The following ARL15 variants were observed in gnomAD, a reference collection of about 807,000 sequenced individuals.
ARL15 encodes the protein ADP-ribosylation factor-like protein 15.
In ARL15, 19 loss-of-function variants were observed where a neutral mutation model predicts 25.2. The ratio of observed to expected loss-of-function variants is 0.75; its 90% CI spans 0.53 to 1.10. The LOEUF (loss-of-function observed/expected upper bound fraction) is 1.10. Among genes scored for constraint, ARL15 ranks in the 50% least tolerant of loss-of-function variants. ARL15 has a pLI of 0.00. For missense variants in ARL15, 220 were observed against 246.0 expected (o/e 0.89, Z 0.71); for synonymous variants, 94 against 86.8 (o/e 1.08, Z -0.46).
chr5:54,101,585 G>A (rs1752440220), intron 4 of ARL15, among the ~76,000 whole-genome samples: 1 of 152,024 alleles, frequency 6.6e-6, no homozygotes, highest in Non-Finnish European at 1.5e-5. Flanking sequence ...GCTTAAAACT[G>A]TATTAGTTTA....
chr5:54,305,141 G>A (rs1758722741), intron 1 of ARL15, among the ~76,000 whole-genome samples: 1 of 152,022 alleles, frequency 6.6e-6, no homozygotes, highest in Non-Finnish European at 1.5e-5. Flanking sequence ...AACTAAATAG[G>A]TCAAGTCCAC....
chr5:54,232,787 C>T (rs1189312422), intron 1 of ARL15, among the ~76,000 whole-genome samples: 1 of 152,154 alleles, frequency 6.6e-6, no homozygotes, highest in Non-Finnish European at 1.5e-5. Context: ...GGAGTCTACC[C>T]TCAGCCCCTT....
In ARL15 at chr5:54,026,280, A is replaced by AT. The variant is rs1749784507; in HGVS notation, c.462+86921dup. Among the ~76,000 whole-genome samples, 9 of 152,084 alleles carry AT rather than the reference A, an allele frequency of 5.9e-5. No individual in the cohort carries two copies. The South Asian group carries it at 1.9e-3, about 32-fold the overall frequency. ...AGCTTTCAATTTATTTTCTTTCTTT[A>AT]TTTTTTGAGACAGGGTCTCACTCTG... is the stretch of plus-strand genomic sequence containing the variant. On this transcript the variant is annotated intron_variant, in intron 4 of 4. Coordinates refer to ENST00000504924, the MANE Select transcript of ARL15 (RefSeq NM_019087.3).
rs949063719 is a variant in ARL15, at chr5:53,970,656, C to T, written c.463-83943G>A. On this transcript the variant is annotated intron_variant, in intron 4 of 4. Transcript: ENST00000504924. ...ATTAACAGTTACAGAGACAACTCAA[C>T]GCAACAGATGATTTTGTGTAGATAG... Among the ~76,000 whole-genome samples, 16 of 152,216 alleles carry T rather than the reference C, an allele frequency of 1.1e-4. 1 individual carries two copies. Among genetic ancestry groups the T allele is most frequent in the East Asian group, 5.8e-4 (3 of 5,202 alleles).
At chr5:54,220,001 T>A (rs1215399079) in intron 1 of ARL15, among the ~76,000 whole-genome samples, 4 of 152,200 alleles carry the variant, frequency 2.6e-5, no homozygotes, top group African/African-American at 9.6e-5. Context: ...CATAACAAGA[T>A]TATTTACAGT....
At chr5:54,263,120 T>G (rs1317235339) in intron 1 of ARL15, among the ~76,000 whole-genome samples, 1 of 151,698 alleles carries the variant, frequency 6.6e-6, no homozygotes. Flanking sequence ...TTTTTTTCTT[T>G]ATGGCACAAT....
At chr5:54,038,446 T>C (rs944915752) in intron 4 of ARL15, among the ~76,000 whole-genome samples, 3 of 151,888 alleles carry the variant, frequency 2.0e-5, no homozygotes, top group African/African-American at 7.3e-5. Flanking sequence ...ATATATAAAA[T>C]CCCAAACAGA....
At chr5:54,141,027 T>C (rs899161332) in intron 3 of ARL15, among the ~76,000 whole-genome samples, 4 of 152,198 alleles carry the variant, frequency 2.6e-5, no homozygotes, top group Non-Finnish European at 5.9e-5. Context: ...TTATTATAAA[T>C]ATAACCAAAA....
At chr5:54,192,016 T>C (rs1561260644) in intron 1 of ARL15, among the ~76,000 whole-genome samples, 1 of 152,170 alleles carries the variant, frequency 6.6e-6, no homozygotes, top group Non-Finnish European at 1.5e-5. Context: ...TACTATTTCT[T>C]CACTCAGTCA....
At chr5:54,205,549 T>C (rs1000592050) in intron 1 of ARL15, among the ~76,000 whole-genome samples, 2 of 152,202 alleles carry the variant, frequency 1.3e-5, no homozygotes, top group Non-Finnish European at 2.9e-5. Context: ...CGAAGAGCAG[T>C]TCTTTGCCTT....
At chr5:53,944,487 G>A (rs531979658) in intron 4 of ARL15, among the ~76,000 whole-genome samples, 3 of 152,126 alleles carry the variant, frequency 2.0e-5, no homozygotes, top group African/African-American at 7.2e-5. Context: ...TGGCATGCGG[G>A]AGGCTGAGGT....
rs144695050 is a variant in ARL15, at chr5:54,170,583, A to G, written c.193+1201T>C. On this transcript the variant is annotated intron_variant, in intron 2 of 4. Coordinates refer to ENST00000504924, the MANE Select transcript of ARL15 (RefSeq NM_019087.3). ...TTTCTAGGAGTTGCCAATCTGTTTGACACTCCTTACCTTCACACTGCCCCT... is the reference window on the plus strand; with the variant it reads ...TTTCTAGGAGTTGCCAATCTGTTTGGCACTCCTTACCTTCACACTGCCCCT... 1.3e-3 allele frequency among the ~76,000 whole-genome samples: 205 copies of G among 152,210 alleles called. 2 individuals carry two copies. The East Asian group carries it at 0.036, about 27-fold the overall frequency.
intron 1 of ARL15, among the ~76,000 whole-genome samples, chr5:54,173,554 A>C (rs1754782233): frequency 1.3e-5 from 2 of 152,156 alleles, no homozygotes; most frequent in African/African-American, 4.8e-5. Flanking sequence ...TCTCACATCT[A>C]ATCAACAAAT....
intron 1 of ARL15, among the ~76,000 whole-genome samples, chr5:54,206,180 G>A (rs889854207): frequency 3.3e-5 from 5 of 152,034 alleles, no homozygotes; most frequent in African/African-American, 1.2e-4. Flanking sequence ...GTTGCAAGGG[G>A]GTAAAAAACT....
intron 1 of ARL15, among the ~76,000 whole-genome samples, chr5:54,180,018 GAAA>G (rs11336058): frequency 8.9e-4 from 98 of 109,994 alleles, no homozygotes; most frequent in African/African-American, 2.5e-3. Flanking sequence ...ACTGTCTCGA[GAAA>G]AAAAAAAAAA....
chr5:54,014,833 C>T (rs1156996509), intron 4 of ARL15, among the ~76,000 whole-genome samples: 2 of 151,988 alleles, frequency 1.3e-5, no homozygotes, highest in Non-Finnish European at 2.9e-5. Context: ...AGCTCCTGAA[C>T]CCCTTTAGGG....
chr5:54,276,741 C>T (rs1024571084), intron 1 of ARL15, among the ~76,000 whole-genome samples: 1 of 152,162 alleles, frequency 6.6e-6, no homozygotes, highest in Non-Finnish European at 1.5e-5. Flanking sequence ...TCATCACAAG[C>T]GTCCTTATAA....
intron 1 of ARL15, among the ~76,000 whole-genome samples, chr5:54,180,153 T>C (rs1428151170): frequency 6.6e-6 from 1 of 151,986 alleles, no homozygotes; most frequent in Non-Finnish European, 1.5e-5. Flanking sequence ...TTAAAATATA[T>C]GTGTATGTAA....
intron 2 of ARL15, among the ~76,000 whole-genome samples, chr5:54,166,045 T>C (rs1045413693): frequency 6.6e-6 from 1 of 152,138 alleles, no homozygotes; most frequent in African/African-American, 2.4e-5. Flanking sequence ...TATAGAAATA[T>C]CCAGACTAAT....
Sources: gnomAD v4.1 joint callset for allele counts (sites outside exome capture counted in the v4.1 genomes callset) on GRCh38, gnomAD v4.1.1 for gene constraint, MANE v1.5 for transcripts, NCBI Gene and HGNC (gene_info 2026-07-23, HGNC 2026-07-21) for gene names.